FGF12: variants seen among roughly 807,000 people sequenced by gnomAD.
FGF12 encodes fibroblast growth factor 12, also known as fibroblast growth factor 12B.
Under a neutral mutation model 23.6 loss-of-function variants are expected in FGF12, and 14 were observed. The ratio of observed to expected loss-of-function variants is 0.59; its 90% confidence interval spans 0.39 to 0.93. The LOEUF is 0.93. FGF12 is among the 40% of genes least tolerant of loss of function. The probability of loss-of-function intolerance (pLI) is 0.00; values close to 1 mark genes in which losing one functional copy is unlikely to be tolerated. For synonymous variants in FGF12, 62 were observed against 77.3 expected (o/e 0.80, Z 1.04); for missense variants, 175 against 217.8 (o/e 0.80, Z 1.24).
chr3:192,301,327 G>T (rs1431149783), intron 4 of FGF12, among the ~76,000 whole-genome samples: 1 of 152,114 alleles, frequency 6.6e-6, no homozygotes, highest in African/African-American at 2.4e-5. Flanking sequence ...AAGAAACAGG[G>T]TCCCACTAAA....
At chr3:192,301,209 G>A (rs1257026424) in intron 4 of FGF12, among the ~76,000 whole-genome samples, 1 of 152,120 alleles carries the variant, frequency 6.6e-6, no homozygotes, top group Admixed American at 6.6e-5. Context: ...AAGGGGATGG[G>A]TTAAGACTAG....
intron 2 of FGF12, among the ~76,000 whole-genome samples, chr3:192,521,957 G>C (rs1240824100): frequency 6.6e-6 from 1 of 152,106 alleles, no homozygotes; most frequent in Non-Finnish European, 1.5e-5. Flanking sequence ...CTTTTACTTT[G>C]GGAGGCCGAG....
At chr3:192,655,884 C>A (rs2366853) in intron 2 of FGF12, among the ~76,000 whole-genome samples, 5 of 151,196 alleles carry the variant, frequency 3.3e-5, no homozygotes, top group African/African-American at 1.2e-4. Flanking sequence ...GAGGTGAACA[C>A]AAGCATGAGG....
chr3:192,552,274 C>T (rs1379528891), intron 2 of FGF12, among the ~76,000 whole-genome samples: 2 of 151,682 alleles, frequency 1.3e-5, no homozygotes, highest in Admixed American at 6.6e-5. Flanking sequence ...GCCCTGGTAC[C>T]TCAGAAAATT....
Position 192,417,075 on chromosome 3 carries a change from T to C in FGF12, c.14-56537A>G, listed in dbSNP as rs138577237. ...CCTACTCTAGGTAATGTATACACATTGTAGTAAGCTAGCAACAGTTTAAGA... is the reference window on the plus strand; with the variant it reads ...CCTACTCTAGGTAATGTATACACATCGTAGTAAGCTAGCAACAGTTTAAGA... On this transcript the variant is annotated intron_variant, in intron 2 of 5. Transcript: ENST00000445105. Among the ~76,000 whole-genome samples the C allele has an allele frequency of 2.3e-3, 357 of 152,220 alleles. 1 individual carries two copies. Among genetic ancestry groups the C allele is most frequent in the African/African-American group, 8.2e-3 (340 of 41,538 alleles).
chr3:192,340,188 C>T (rs984475452), intron 3 of FGF12, among the ~76,000 whole-genome samples: 3 of 151,982 alleles, frequency 2.0e-5, no homozygotes, highest in Admixed American at 6.6e-5. Flanking sequence ...CCCTGACATG[C>T]GTGAAATGAC....
intron 2 of FGF12, chr3:192,726,932 C>T (rs1719235642): frequency 3.7e-6 from 2 of 544,374 alleles, no homozygotes; most frequent in Non-Finnish European, 6.6e-6. Flanking sequence ...CTCCCCACCT[C>T]CCCCCAAAAA....
rs1007898556 is a variant in FGF12, at chr3:192,161,289, T to C, written c.427+9169A>G. Among the ~76,000 whole-genome samples, 14 of 152,118 alleles carry C rather than the reference T, an allele frequency of 9.2e-5. 1 individual carries two copies. Among genetic ancestry groups the C allele is most frequent in the African/African-American group, 3.1e-4 (13 of 41,422 alleles). ...TGGGGCCTAGCAATCTATGCTTTAG[T>C]GGGCTCTCTAGGTAATTCTGATGCA... is the stretch of plus-strand genomic sequence containing the variant. On this transcript the variant is annotated intron_variant, in intron 5 of 5. Coordinates refer to ENST00000445105, the MANE Select transcript of FGF12 (RefSeq NM_004113.6).
At chr3:192,166,214 A>G (rs1341075342) in intron 5 of FGF12, among the ~76,000 whole-genome samples, 2 of 152,232 alleles carry the variant, frequency 1.3e-5, no homozygotes, top group African/African-American at 4.8e-5. Flanking sequence ...ATGGAGAATC[A>G]TAAGGTAATT....
At chr3:192,561,898 T>C (rs1712053797) in intron 2 of FGF12, among the ~76,000 whole-genome samples, 2 of 144,772 alleles carry the variant, frequency 1.4e-5, no homozygotes, top group Admixed American at 7.0e-5. Flanking sequence ...AAAATAATAA[T>C]AATAATAATA....
rs142373936 is a variant in FGF12 at position 192,360,464 on chromosome 3, T to C, written c.88A>G (p.Thr30Ala). The C allele has an allele frequency of 9.3e-6, 15 of 1,613,180 alleles. No homozygotes were observed. The African/African-American group carries it at 1.7e-4, about 19-fold the overall frequency. ...GYFLQMHPDG[T>A]IDGTKDENSD... is the part of the protein sequence containing the mutation. ...TTTTCGTCCTTGGTCCCATCAATGGTACCATCTGGGTGCATCTGCAGGAAG... is the reference window on the plus strand; with the variant it reads ...TTTTCGTCCTTGGTCCCATCAATGGCACCATCTGGGTGCATCTGCAGGAAG... Residue 30 changes from threonine (T) to alanine (A), a missense_variant, in exon 3 of 6, where the codon ACC (threonine) becomes GCC (alanine). By Grantham distance (58) the Thr-to-Ala change is moderately conservative. Transcript: ENST00000445105. The surrounding 1 kb of genome is among the most constrained non-coding windows in gnomAD (Gnocchi z 4.3).
rs947132848 is a variant in FGF12, at chr3:192,409,542, G to C, written c.14-49004C>G. 1.1e-4 allele frequency among the ~76,000 whole-genome samples: 17 copies of C among 152,256 alleles called. No homozygotes were observed. Among genetic ancestry groups the C allele is most frequent in the Admixed American group, 9.2e-4 (14 of 15,294 alleles). On this transcript the variant is annotated intron_variant, in intron 2 of 5. Transcript: ENST00000445105. The surrounding 1 kb of genome is among the most constrained non-coding windows in gnomAD (Gnocchi z 4.8). ...GCAGATCAGATGGGGATTACCCGCC[G>C]GACGCAAGGCCGATCACTCAGTCCC... is the stretch of plus-strand genomic sequence containing the variant.
At chr3:192,427,202 G>A (rs1363109255) in intron 2 of FGF12, among the ~76,000 whole-genome samples, 1 of 152,032 alleles carries the variant, frequency 6.6e-6, no homozygotes, top group Non-Finnish European at 1.5e-5. Context: ...CCAACATGGT[G>A]AAACCCCGTC....
At chr3:192,183,370 C>G (rs1296046455) in intron 4 of FGF12, among the ~76,000 whole-genome samples, 9 of 152,022 alleles carry the variant, frequency 5.9e-5, no homozygotes, top group African/African-American at 2.2e-4. Flanking sequence ...TTTTAACAGC[C>G]TAAAGAGTAA....
intron 4 of FGF12, among the ~76,000 whole-genome samples, chr3:192,284,005 C>T (rs546377353): frequency 4.7e-4 from 72 of 152,214 alleles, no homozygotes; most frequent in Non-Finnish European, 6.3e-4. Flanking sequence ...GCTTTCTCCA[C>T]AGGTAGGCTC....
intron 4 of FGF12, among the ~76,000 whole-genome samples, chr3:192,266,411 A>G (rs138696981): frequency 8.6e-4 from 131 of 152,278 alleles, no homozygotes; most frequent in African/African-American, 3.0e-3. Context: ...GGGGTATTTA[A>G]GTAGGTTTAC....
At position 192,331,311 on chromosome 3, in the gene FGF12, CAAA is replaced by C. The variant is rs201997868; in HGVS notation, c.228+4047_228+4049del. Among the ~76,000 whole-genome samples the C allele has an allele frequency of 2.0e-3, 192 of 95,982 alleles. 1 individual carries two copies. The South Asian group carries it at 0.028, about 14-fold the overall frequency. 63.0% of individuals were successfully genotyped at this position (95,982 alleles called of 152,430 possible). On this transcript the variant is annotated intron_variant, in intron 4 of 5. Transcript: ENST00000445105. Reference sequence around the variant, plus strand: ...TAGGGAAAACAGTATGGAGTTTTCTCAAAAAAAAAAAAAAAAAAAAACAAAAAC... The same window carrying C: ...TAGGGAAAACAGTATGGAGTTTTCTCAAAAAAAAAAAAAAAAAACAAAAAC...
intron 2 of FGF12, among the ~76,000 whole-genome samples, chr3:192,664,511 G>A (rs1350614600): frequency 6.6e-6 from 1 of 151,556 alleles, no homozygotes; most frequent in South Asian, 2.1e-4. Flanking sequence ...CACTTTGGGA[G>A]GCCAAGGAGG....
intron 3 of FGF12, among the ~76,000 whole-genome samples, chr3:192,355,452 A>G (rs1316032513): frequency 6.6e-6 from 1 of 152,240 alleles, no homozygotes; most frequent in Non-Finnish European, 1.5e-5. Flanking sequence ...CCAGGTGGCA[A>G]TGGAGGGTGT....
Sources: gnomAD v4.1 joint callset for allele counts (sites outside exome capture counted in the v4.1 genomes callset) on GRCh38, gnomAD v4.1.1 for gene constraint, Gnocchi (gnomAD v3.1) non-coding constraint, MANE v1.5 for transcripts, NCBI Gene and HGNC (gene_info 2026-07-23, HGNC 2026-07-21) for gene names.